Variants in UBR4 observed in about 807,000 individuals in gnomAD.
UBR4 encodes ubiquitin protein ligase E3 component n-recognin 4.
UBR4 carries 124 observed loss-of-function variants against 575.6 expected under a neutral mutation model. The ratio of observed to expected loss-of-function variants is 0.22; its 90% CI spans 0.19 to 0.25. UBR4 has a LOEUF of 0.25. UBR4 is among the 10% of genes least tolerant of loss of function. The pLI, the probability that UBR4 is intolerant of heterozygous loss-of-function variation, is 1.00. For missense variants in UBR4, 4,818 were observed against 6,478.8 expected (o/e 0.74, Z 8.80); for synonymous variants, 2,455 against 2,473.7 (o/e 0.99, Z 0.22).
chr1:19,110,765 C>A lies in UBR4; in HGVS notation c.11869G>T (p.Gly3957Cys). The part of the protein sequence containing the change: ...IIGKVSTALK[G>C]HWANPDLASS... ...ACCAGATCGGGGTTGGCCCAGTGGC[C>A]CTTCAGGGCTGTGGAGACCTTGCCA... The change falls in exon 79 of 106, where the codon GGC becomes TGC. Residue 3957 changes from glycine (G) to cysteine (C), a missense_variant. This residue lies in a region of UBR4 where 333 missense variants were observed against 459.2 expected (regional missense o/e 0.73). Coordinates refer to ENST00000375254, the MANE Select transcript of UBR4 (RefSeq NM_020765.3). This position sits in a 1 kb window ranked among gnomAD's most constrained non-coding sequence, Gnocchi z 4.5. 1 of 1,614,146 alleles carries A rather than the reference C, an allele frequency of 6.2e-7. No homozygotes were observed. Among genetic ancestry groups the A allele is most frequent in the Non-Finnish European group, 8.5e-7 (1 of 1,180,014 alleles).
At chr1:19,172,836 G>A (rs775337920) in intron 25 of UBR4, 28 bp downstream of exon 25, 3 of 1,591,024 alleles carry the variant, frequency 1.9e-6, no homozygotes, top group Admixed American at 1.7e-5. Context: ...GAGTGCATGT[G>A]CATCTCTGGG....
At chr1:19,099,756 G>A (rs1053874428) in intron 89 of UBR4, 79 bp from the exon 90 acceptor site, 31 of 1,251,770 alleles carry the variant, frequency 2.5e-5, no homozygotes, top group South Asian at 6.6e-5. Context: ...GGCACCTTAC[G>A]GCAATGGTTG....
rs772590566 is a variant in UBR4 at position 19,162,471 on chromosome 1, G to T, written c.4905C>A (p.Asp1635Glu). The T allele has an allele frequency of 1.5e-5, 24 of 1,613,940 alleles. No individual in the cohort carries two copies. The highest frequency in any genetic ancestry group is 2.0e-5 in the Non-Finnish European group (24 of 1,180,006). The change falls in exon 35 of 106, where the codon GAC (aspartate) becomes GAA (glutamate). Residue 1635 changes from aspartate to glutamate, a missense_variant. Physicochemically the swap from Asp to Glu is conservative, Grantham distance 45. This residue lies in a region of UBR4 where 1,172 missense variants were observed against 1,259.7 expected (regional missense o/e 0.93). Transcript: ENST00000375254. The stretch of plus-strand genomic sequence containing the variant: ...CTTCCACCGCCAACTCCTCCACCCA[G>T]TCTGAGTCTACTTCAATGGCCCGCT... The part of the protein sequence containing the change: ...GEERAIEVDS[D>E]WVEELAVEEE...
intron 1 of UBR4, among the ~76,000 whole-genome samples, chr1:19,204,522 A>C (rs2092907714): frequency 7.0e-6 from 1 of 142,946 alleles, no homozygotes; most frequent in African/African-American, 2.7e-5. Flanking sequence ...TGATAATGAA[A>C]TATATAAAAA....
At chr1:19,181,257 C>CGGG (rs2090925326) in intron 17 of UBR4, among the ~76,000 whole-genome samples, 1 of 151,630 alleles carries the variant, frequency 6.6e-6, no homozygotes, top group Admixed American at 6.6e-5. Flanking sequence ...ACGGACCAGC[C>CGGG]GGGCATGATG....
chr1:19,075,068 T>A (rs2075785890), intron 105 of UBR4, 172 bp from the exon 106 acceptor site: 1 of 672,908 alleles, frequency 1.5e-6, no homozygotes, highest in South Asian at 1.7e-5. Flanking sequence ...CAAAACCCTG[T>A]TCCGCAGGAG....
chr1:19,151,315 C>A lies in UBR4; in HGVS notation c.7213+328G>T, dbSNP rs1303528894. 6 of 419,722 alleles carry A rather than the reference C, an allele frequency of 1.4e-5. No homozygotes were observed. In the Admixed American group the frequency reaches 2.1e-4, roughly 15 times the overall value. The allele number at this position is 419,722 out of a possible 1,614,324, so 26.0% of individuals were successfully genotyped here. ...GTGTGACCTGAGGTCTTCCTCTGTGCGTTAAGAAAGCCTTGCAATTTCATG... is the reference window on the plus strand; with the variant it reads ...GTGTGACCTGAGGTCTTCCTCTGTGAGTTAAGAAAGCCTTGCAATTTCATG... On this transcript the variant is annotated intron_variant, in intron 48 of 105. Coordinates refer to ENST00000375254, the MANE Select transcript of UBR4 (RefSeq NM_020765.3).
Position 19,096,465 on chromosome 1 carries a change from C to T in UBR4, c.13518+58G>A. On this transcript the variant is annotated intron_variant, in intron 92 of 105. Coordinates refer to ENST00000375254, the MANE Select transcript of UBR4 (RefSeq NM_020765.3). The stretch of plus-strand genomic sequence containing the variant: ...ACACAGTGGCCATAGCTTCTTTCCA[C>T]AGGGGCCTCTCCCAGTGCAGAAAGG... 8 of 1,579,846 alleles carry T rather than the reference C, an allele frequency of 5.1e-6. No individual in the cohort carries two copies. In the South Asian group the frequency reaches 8.1e-5, roughly 16 times the overall value.
intron 10 of UBR4, 42 bp from the exon 11 acceptor site, chr1:19,192,420 T>C (rs868659148): frequency 1.2e-6 from 2 of 1,614,132 alleles, no homozygotes; most frequent in African/African-American, 1.3e-5. Context: ...ATCATAGAGA[T>C]ATTTACATCT....
Position 19,122,022 on chromosome 1 carries a change from G to A in UBR4, c.9817-10C>T. ...CTTTCAGGTGCTCCATCTGAAATAG[G>A]AACCAACCACGGGAAAGGAGTAACT... On this transcript the variant is annotated splice_polypyrimidine_tract_variant and intron_variant, in intron 66 of 105. Coordinates refer to ENST00000375254, the MANE Select transcript of UBR4 (RefSeq NM_020765.3). 6.2e-7 allele frequency: 1 copy of A among 1,613,892 alleles called. No individual in the cohort carries two copies. The highest frequency in any genetic ancestry group is 8.5e-7 in the Non-Finnish European group (1 of 1,179,896).
Position 19,096,537 on chromosome 1 carries a change from G to C in UBR4, c.13504C>G (p.Arg4502Gly), listed in dbSNP as rs1396474781. Reference protein sequence around the residue: ...LAGIRDFKQGRHLLTVLLKLF... With the variant: ...LAGIRDFKQGGHLLTVLLKLF... ...CCCCAACTCACTGTTAGAAGGTGGC[G>C]TCCCTGCTTGAAATCTCTGATCCCT... The change falls in exon 92 of 106, where the codon CGC (arginine) becomes GGC (glycine). Residue 4502 changes from arginine to glycine, a missense_variant. Coordinates refer to ENST00000375254, the MANE Select transcript of UBR4 (RefSeq NM_020765.3). 1 of 1,612,806 alleles carries C rather than the reference G, an allele frequency of 6.2e-7. No homozygotes were observed. Among genetic ancestry groups the C allele is most frequent in the South Asian group, 1.1e-5 (1 of 90,894 alleles).
rs6426677 is a variant in UBR4, at chr1:19,106,955, A to G, written c.12117T>C (p.Val4039=). ...PTSKKNKDVP[V]EALTTVKPYC... is the part of the protein sequence containing the mutation. ...ATGGCTTCACCGTGGTGAGGGCCTC[A>G]ACGGGGACATCCTGGAGGAGGCAAG... Residue 4039 remains valine (V), a synonymous_variant, in exon 82 of 106, where the codon GTT becomes GTC. Transcript: ENST00000375254. 0.63 allele frequency: 1,013,570 copies of G among 1,611,388 alleles called. 322,854 individuals are homozygous for G. Among genetic ancestry groups the G allele is most frequent in the East Asian group, 0.83 (37,098 of 44,812 alleles).
intron 87 of UBR4, among the ~76,000 whole-genome samples, chr1:19,102,282 T>C (rs577128979): frequency 6.6e-6 from 1 of 152,136 alleles, no homozygotes; most frequent in Admixed American, 6.5e-5. Flanking sequence ...GGAGGATGGT[T>C]TGAGCCCAGA....
chr1:19,131,194 T>C (rs2082384004), intron 60 of UBR4, among the ~76,000 whole-genome samples: 1 of 139,006 alleles, frequency 7.2e-6, no homozygotes, highest in Non-Finnish European at 1.5e-5. Flanking sequence ...CAGGTTTAAG[T>C]CATCATACCC....
In UBR4 at chr1:19,162,510, T is replaced by G. The variant is rs148066360; in HGVS notation, c.4866A>C (p.Ser1622=). ...QSNGQGPSHL[S]VDGEERAIEV... ...CAATGGCCCGCTCTTCCCCATCCAC[T>G]GAGAGATGACTTGGGCCTTGACCAT... Residue 1622 remains serine (S), a synonymous_variant, in exon 35 of 106, where the codon TCA becomes TCC. Coordinates refer to ENST00000375254, the MANE Select transcript of UBR4 (RefSeq NM_020765.3). 4.9e-5 allele frequency: 79 copies of G among 1,614,214 alleles called. 1 individual carries two copies. In the African/African-American group the frequency reaches 1.0e-3, roughly 20 times the overall value.
rs1207737092 is a variant in UBR4, at chr1:19,177,556, T to A, written c.2542A>T (p.Met848Leu). The A allele has an allele frequency of 2.5e-6, 4 of 1,613,644 alleles. No individual in the cohort carries two copies. The highest frequency in any genetic ancestry group is 3.4e-6 in the Non-Finnish European group (4 of 1,180,008). ...GCCAAGATAAGCGGCACGAAGCGCA[T>A]CTGAGCATCCATGTTGACGCTCAAC... ...QELSVNMDAQMRFVPLILARL... is the reference protein window; with the variant it reads ...QELSVNMDAQLRFVPLILARL... Residue 848 changes from methionine to leucine, a missense_variant, in exon 19 of 106, where the codon ATG becomes TTG. Physicochemically the swap from Met to Leu is conservative, Grantham distance 15. Transcript: ENST00000375254.
chr1:19,166,380 G>A (rs927364555), intron 29 of UBR4, among the ~76,000 whole-genome samples: 1 of 151,912 alleles, frequency 6.6e-6, no homozygotes, highest in African/African-American at 2.4e-5. Context: ...GAGCTCCTCT[G>A]TCCATCTCAT....
At chr1:19,091,571 C>T (rs1025798212) in intron 97 of UBR4, among the ~76,000 whole-genome samples, 4 of 152,208 alleles carry the variant, frequency 2.6e-5, no homozygotes, top group Non-Finnish European at 5.9e-5. Context: ...CATGAAAAGA[C>T]GTTCAACATC....
At chr1:19,124,742 C>T in intron 64 of UBR4, 52 bp from the exon 65 acceptor site, 1 of 1,588,624 alleles carries the variant, frequency 6.3e-7, no homozygotes, top group Non-Finnish European at 8.6e-7. Context: ...TTTCCATGAC[C>T]ACAATTAGGA....
Sources: gnomAD v4.1 joint callset for allele counts (sites outside exome capture counted in the v4.1 genomes callset) on GRCh38, gnomAD v4.1.1 for gene constraint, gnomAD v4.1.1 regional missense constraint, Gnocchi (gnomAD v3.1) non-coding constraint, MANE v1.5 for transcripts, NCBI Gene and HGNC (gene_info 2026-07-23, HGNC 2026-07-21) for gene names.